The following DLG5 variants were observed in gnomAD, a reference collection of about 807,000 sequenced individuals.
DLG5 encodes the protein discs large MAGUK scaffold protein 5.
DLG5 carries 48 observed loss-of-function variants against 189.8 expected under a neutral mutation model. The ratio of observed to expected loss-of-function variants is 0.25; its 90% confidence interval spans 0.20 to 0.32. DLG5 has a LOEUF of 0.32. Ranked by LOEUF, DLG5 falls within the 10% of genes least tolerant of loss-of-function variation. The pLI, the probability that DLG5 is intolerant of heterozygous loss-of-function variation, is 1.00. For synonymous variants in DLG5, 1,016 were observed against 1,054.1 expected, an observed-to-expected ratio of 0.96 and a Z score of 0.70; for missense variants, 2,160 against 2,544.7, an observed-to-expected ratio of 0.85 and a Z score of 3.25.
intron 29 of DLG5, 84 bp downstream of exon 29, chr10:77,795,977 A>T: frequency 6.3e-7 from 1 of 1,594,118 alleles, no homozygotes; most frequent in Non-Finnish European, 8.6e-7. Context: ...CCGCTGGGGC[A>T]GAGGATCACG....
intron 1 of DLG5, among the ~76,000 whole-genome samples, chr10:77,907,048 G>A (rs1846089698): frequency 6.6e-6 from 1 of 152,164 alleles, no homozygotes; most frequent in Non-Finnish European, 1.5e-5. Context: ...CCTGTTCAAT[G>A]AGTACTAGCA....
chr10:77,801,999 C>T (rs764824427), intron 27 of DLG5, among the ~76,000 whole-genome samples: 3 of 152,110 alleles, frequency 2.0e-5, no homozygotes, highest in African/African-American at 4.8e-5. Context: ...GACGAGGTGA[C>T]GTGAAGATGG....
intron 15 of DLG5, chr10:77,820,299 C>G: frequency 3.0e-6 from 1 of 333,204 alleles, no homozygotes; most frequent in Non-Finnish European, 5.6e-6. Context: ...TGAGCCAAGA[C>G]TGCACCACTG....
chr10:77,838,226 C>T (rs1311861370), intron 7 of DLG5, among the ~76,000 whole-genome samples: 1 of 152,232 alleles, frequency 6.6e-6, no homozygotes, highest in African/African-American at 2.4e-5. Flanking sequence ...GGGGGCTGCC[C>T]TTCTACAGAC....
At chr10:77,927,913 A>G (rs1196391091), upstream of DLG5, 1 of 152,168 alleles carries the variant, frequency 6.6e-6, no homozygotes, top group African/African-American at 2.4e-5. Flanking sequence ...GTCCATTTCA[A>G]ATATCTACGT....
chr10:77,859,072 C>T (rs1009600335), intron 2 of DLG5, among the ~76,000 whole-genome samples: 1 of 152,098 alleles, frequency 6.6e-6, no homozygotes, highest in Non-Finnish European at 1.5e-5. Context: ...GACGGGGTAT[C>T]GCTATGTTGC....
At chr10:77,811,562 T>C (rs1841774485) in intron 22 of DLG5, among the ~76,000 whole-genome samples, 1 of 152,010 alleles carries the variant, frequency 6.6e-6, no homozygotes, top group Non-Finnish European at 1.5e-5. Context: ...CTCCCCTTCT[T>C]TTCTGCCCTT....
In DLG5 at chr10:77,822,072, G is replaced by A; in HGVS notation, c.2412C>T (p.Gly804=). The A allele has an allele frequency of 6.2e-7, 1 of 1,613,918 alleles. No homozygotes were observed. Among genetic ancestry groups the A allele is most frequent in the Non-Finnish European group, 8.5e-7 (1 of 1,179,924 alleles). Residue 804 remains glycine, a synonymous_variant, in exon 15 of 32, where the codon GGC becomes GGT. Coordinates refer to ENST00000372391, the MANE Select transcript of DLG5 (RefSeq NM_004747.4). ...CTTTGATATTTTCAAAAATGTTCTGGCCACTCCACGAGGAGCTCTGAGGGA... is the reference window on the plus strand; with the variant it reads ...CTTTGATATTTTCAAAAATGTTCTGACCACTCCACGAGGAGCTCTGAGGGA... ...KVFPQSSSWS[G]QNIFENIKDS...
intron 10 of DLG5, 89 bp from the exon 11 acceptor site, chr10:77,830,433 T>C: frequency 1.3e-6 from 2 of 1,575,662 alleles, no homozygotes; most frequent in South Asian, 1.2e-5. Flanking sequence ...CACTCCAATG[T>C]GGGGGACTGT....
chr10:77,934,140 G>T, the DLG5 span, among the ~76,000 whole-genome samples: 1 of 152,104 alleles, frequency 6.6e-6, no homozygotes, highest in Non-Finnish European at 1.5e-5. Flanking sequence ...GGAGGCCGAG[G>T]TGGGTGGATC....
At chr10:77,891,761 C>G (rs1451557053) in intron 1 of DLG5, among the ~76,000 whole-genome samples, 2 of 152,240 alleles carry the variant, frequency 1.3e-5, no homozygotes, top group Non-Finnish European at 2.9e-5. Flanking sequence ...ATCTCAAACA[C>G]TTTCTCCCAC....
chr10:77,924,144 C>A (rs1846617063), intron 1 of DLG5, among the ~76,000 whole-genome samples: 1 of 152,196 alleles, frequency 6.6e-6, no homozygotes, highest in Admixed American at 6.5e-5. Flanking sequence ...GGATTACAGG[C>A]ATGAGCCACC....
intron 1 of DLG5, among the ~76,000 whole-genome samples, chr10:77,903,475 G>A (rs768940182): frequency 1.2e-4 from 18 of 151,648 alleles, no homozygotes; most frequent in Middle Eastern, 3.4e-3. Context: ...ACAATTAGCC[G>A]GGCATGGTGG....
At chr10:77,840,446 G>A (rs968217422) in intron 7 of DLG5, among the ~76,000 whole-genome samples, 3 of 151,426 alleles carry the variant, frequency 2.0e-5, no homozygotes, top group South Asian at 2.1e-4. Flanking sequence ...CTCACCAGGC[G>A]GTGAATTATA....
intron 1 of DLG5, among the ~76,000 whole-genome samples, chr10:77,886,226 G>A (rs886664129): frequency 1.3e-5 from 2 of 152,168 alleles, no homozygotes; most frequent in Non-Finnish European, 2.9e-5. Context: ...AGTCTCTGGT[G>A]AGTGGCTCAG....
chr10:77,932,330 A>G, the DLG5 span, among the ~76,000 whole-genome samples: 22 of 152,310 alleles, frequency 1.4e-4, 5 homozygotes, highest in Admixed American at 3.9e-4. Flanking sequence ...GTACCTTGTT[A>G]TCTGCTGTAT....
intron 1 of DLG5, among the ~76,000 whole-genome samples, chr10:77,879,812 T>C (rs750300345): frequency 1.3e-5 from 2 of 150,430 alleles, no homozygotes; most frequent in African/African-American, 2.4e-5. Context: ...GAAAAACAGA[T>C]GGGGGAGGGA....
intron 12 of DLG5, 48 bp downstream of exon 12, chr10:77,829,307 A>G: frequency 6.2e-7 from 1 of 1,611,000 alleles, no homozygotes; most frequent in South Asian, 1.1e-5. Flanking sequence ...TCCACAAAAA[A>G]GGGCCCCAGC....
chr10:77,839,512 G>C (rs531402645), intron 7 of DLG5, among the ~76,000 whole-genome samples: 1 of 152,008 alleles, frequency 6.6e-6, no homozygotes, highest in Non-Finnish European at 1.5e-5. Context: ...AAAAAAGAAA[G>C]AAAGAAAAAA....
Sources: allele counts gnomAD v4.1 joint callset (sites outside exome capture counted in the v4.1 genomes callset), GRCh38; gene constraint gnomAD v4.1.1; transcripts MANE v1.5; gene names NCBI Gene and HGNC (gene_info 2026-07-23, HGNC 2026-07-21).